Variants in DRG1 observed in about 807,000 individuals in gnomAD.
DRG1 encodes the protein developmentally-regulated GTP-binding protein 1.
A neutral mutation model predicts 38.8 loss-of-function variants in DRG1; 19 were observed. The ratio of observed to expected loss-of-function variants is 0.49; its 90% CI spans 0.34 to 0.72. The LOEUF (loss-of-function observed/expected upper bound fraction) is 0.72. DRG1 is among the 30% of genes least tolerant of loss of function. The probability of loss-of-function intolerance (pLI) is 0.01; values close to 1 mark genes in which losing one functional copy is unlikely to be tolerated. For synonymous variants in DRG1, 167 were observed against 157.5 expected, an observed-to-expected ratio of 1.06 and a Z score of -0.45; for missense variants, 299 against 444.8, an observed-to-expected ratio of 0.67 and a Z score of 2.95.
At chr22:31,420,183 C>T in intron 4 of DRG1, 73 bp from the exon 5 acceptor site, 1 of 1,530,318 alleles carries the variant, frequency 6.5e-7, no homozygotes, top group Admixed American at 1.9e-5. Flanking sequence ...GGAAAAAACA[C>T]CTCTACTTGA....
intron 3 of DRG1, among the ~76,000 whole-genome samples, chr22:31,408,718 A>G (rs2050002663): frequency 2.1e-5 from 3 of 142,860 alleles, no homozygotes; most frequent in Non-Finnish European, 4.5e-5. Flanking sequence ...GCACCACTGC[A>G]CTTCAGCCTG....
At chr22:31,421,008 C>G (rs959610701) in intron 5 of DRG1, among the ~76,000 whole-genome samples, 3 of 152,148 alleles carry the variant, frequency 2.0e-5, no homozygotes, top group Admixed American at 1.3e-4. Flanking sequence ...AAGTGGATAT[C>G]TTGAAGAAGA....
At chr22:31,402,293 GAAAAAAGA>G (rs1429586082) in intron 2 of DRG1, among the ~76,000 whole-genome samples, 3 of 150,652 alleles carry the variant, frequency 2.0e-5, no homozygotes, top group Non-Finnish European at 3.0e-5. Context: ...ATTGTAAAAA[GAAAAAAGA>G]AAAAAAGAAA....
chr22:31,417,762 G>T (rs1261350740), intron 4 of DRG1, among the ~76,000 whole-genome samples: 1 of 151,346 alleles, frequency 6.6e-6, no homozygotes, highest in African/African-American at 2.4e-5. Flanking sequence ...AGGCTGAGGC[G>T]AGCGGATCAC....
chr22:31,402,372 T>G (rs1569044615), intron 2 of DRG1, among the ~76,000 whole-genome samples: 1 of 152,144 alleles, frequency 6.6e-6, no homozygotes, highest in African/African-American at 2.4e-5. Flanking sequence ...CAAAACTCTT[T>G]TTAATTAATT....
intron 3 of DRG1, among the ~76,000 whole-genome samples, chr22:31,405,441 T>C (rs1199105633): frequency 6.6e-6 from 1 of 152,100 alleles, no homozygotes; most frequent in African/African-American, 2.4e-5. Context: ...GGTGGGATTA[T>C]AGGCTTGAGC....
chr22:31,401,015 C>G (rs546218381), intron 2 of DRG1, among the ~76,000 whole-genome samples: 1 of 151,828 alleles, frequency 6.6e-6, no homozygotes, highest in East Asian at 1.9e-4. Flanking sequence ...TTTATATTTT[C>G]TAAGCATGAA....
chr22:31,407,333 G>A (rs2049994325), intron 3 of DRG1, among the ~76,000 whole-genome samples: 2 of 151,666 alleles, frequency 1.3e-5, no homozygotes, highest in Admixed American at 1.3e-4. Flanking sequence ...AGTTATTATT[G>A]TACTTTTGCC....
intron 6 of DRG1, among the ~76,000 whole-genome samples, chr22:31,425,378 G>C (rs1340835961): frequency 6.6e-6 from 1 of 152,040 alleles, no homozygotes; most frequent in African/African-American, 2.4e-5. Flanking sequence ...GAGCAGGCCA[G>C]GCTGTGTCTG....
At chr22:31,421,137 C>T (rs770367689) in intron 5 of DRG1, among the ~76,000 whole-genome samples, 6 of 151,980 alleles carry the variant, frequency 3.9e-5, no homozygotes, top group Non-Finnish European at 5.9e-5. Flanking sequence ...CCAGGCTGGT[C>T]GGTTTCATTC....
chr22:31,406,089 C>G (rs1010978407), intron 3 of DRG1, among the ~76,000 whole-genome samples: 1 of 151,334 alleles, frequency 6.6e-6, no homozygotes, highest in African/African-American at 2.4e-5. Context: ...ACTCCAACCT[C>G]CTCCCGGCTT....
At chr22:31,425,529 C>T (rs1355342682) in intron 6 of DRG1, among the ~76,000 whole-genome samples, 1 of 151,302 alleles carries the variant, frequency 6.6e-6, no homozygotes, top group Non-Finnish European at 1.5e-5. Context: ...CAGCCTTGAA[C>T]TCCCGGGCTC....
intron 4 of DRG1, among the ~76,000 whole-genome samples, chr22:31,417,230 T>C (rs2050049918): frequency 6.7e-6 from 1 of 149,774 alleles, no homozygotes; most frequent in South Asian, 2.1e-4. Flanking sequence ...ATTAGCTGGG[T>C]GTGGTGGTGC....
intron 4 of DRG1, among the ~76,000 whole-genome samples, chr22:31,418,930 C>T (rs1253955909): frequency 6.6e-6 from 1 of 152,122 alleles, no homozygotes; most frequent in African/African-American, 2.4e-5. Context: ...ATCCTCCTGC[C>T]TCAGCGTCCC....
chr22:31,415,560 C>T (rs2050039918), intron 4 of DRG1, among the ~76,000 whole-genome samples: 1 of 152,180 alleles, frequency 6.6e-6, no homozygotes, highest in African/African-American at 2.4e-5. Flanking sequence ...CGGGGTTTCA[C>T]CATGTTGGCC....
chr22:31,417,692 TAAATA>T (rs1336739426), intron 4 of DRG1, among the ~76,000 whole-genome samples: 5 of 148,086 alleles, frequency 3.4e-5, no homozygotes, highest in Admixed American at 2.7e-4. Flanking sequence ...AAAAATAAAA[TAAATA>T]AAATAAAATC....
At chr22:31,429,360 T>C (rs1310322987) in intron 8 of DRG1, among the ~76,000 whole-genome samples, 2 of 152,078 alleles carry the variant, frequency 1.3e-5, no homozygotes, top group Admixed American at 6.6e-5. Flanking sequence ...TCAGGTGATC[T>C]GCCTGCCTCG....
chr22:31,399,786 T>C (rs2049950639), intron 1 of DRG1, 61 bp downstream of exon 1: 1 of 1,611,546 alleles, frequency 6.2e-7, no homozygotes, highest in Non-Finnish European at 8.5e-7. Context: ...GTGGCGTCGC[T>C]CCTTCCTGTT....
At chr22:31,410,314 G>T (rs2050011345) in intron 3 of DRG1, among the ~76,000 whole-genome samples, 1 of 150,774 alleles carries the variant, frequency 6.6e-6, no homozygotes, top group African/African-American at 2.4e-5. Context: ...AATTAGCTGG[G>T]CGTGGTGGCG....
Sources: gnomAD v4.1 joint callset for allele counts (sites outside exome capture counted in the v4.1 genomes callset) on GRCh38, gnomAD v4.1.1 for gene constraint, MANE v1.5 for transcripts, NCBI Gene and HGNC (gene_info 2026-07-23, HGNC 2026-07-21) for gene names.